The following ZNF385D variants were observed in gnomAD, a reference collection of about 807,000 sequenced individuals.
The protein encoded by ZNF385D is zinc finger protein 385D.
A neutral mutation model predicts 35.8 loss-of-function variants in ZNF385D; 15 were observed. The observed-to-expected ratio is 0.42, with a 90% CI of 0.28 to 0.64. ZNF385D has a LOEUF of 0.64. Ranked by LOEUF, ZNF385D falls within the 30% of genes least tolerant of loss-of-function variation. The probability of loss-of-function intolerance (pLI) is 0.23; values close to 1 mark genes in which losing one functional copy is unlikely to be tolerated. For missense variants in ZNF385D, 474 were observed against 494.6 expected, an observed-to-expected ratio of 0.96 and a Z score of 0.39; for synonymous variants, 212 against 186.8, an observed-to-expected ratio of 1.13 and a Z score of -1.10.
intron 3 of ZNF385D, among the ~76,000 whole-genome samples, chr3:22,117,433 A>T (rs1049818877): frequency 6.6e-6 from 1 of 152,060 alleles, no homozygotes; most frequent in Admixed American, 6.6e-5. Flanking sequence ...TATGATTTTG[A>T]AATTAAGAAC....
intron 2 of ZNF385D, among the ~76,000 whole-genome samples, chr3:21,640,059 C>G (rs1221113598): frequency 6.6e-6 from 1 of 151,940 alleles, no homozygotes; most frequent in Non-Finnish European, 1.5e-5. Flanking sequence ...ATTTTAAAAT[C>G]AGAATGCTTT....
intron 4 of ZNF385D, among the ~76,000 whole-genome samples, chr3:21,475,780 T>C (rs1406148329): frequency 6.6e-6 from 1 of 152,156 alleles, no homozygotes; most frequent in East Asian, 1.9e-4. Context: ...GCAGGGAAGA[T>C]TATATTTTAT....
At position 21,819,662 on chromosome 3, in the gene ZNF385D, TATTA is replaced by T. The variant is rs1179620040; in HGVS notation, c.326-154638_326-154635del. Among the ~76,000 whole-genome samples, 3 of 146,864 alleles carry T rather than the reference TATTA, an allele frequency of 2.0e-5. No individual in the cohort carries two copies. In the East Asian group the frequency reaches 5.9e-4, roughly 29 times the overall value. The stretch of plus-strand genomic sequence containing the variant: ...ATATTCTATATTATATATTTATGTG[TATTA>T]ATTATATATAATTATCTATGTGTAC... On this transcript the variant is annotated intron_variant, in intron 3 of 5. Coordinates refer to the ZNF385D transcript ENST00000494108.
intron 3 of ZNF385D, among the ~76,000 whole-genome samples, chr3:22,030,663 G>A (rs983418946): frequency 6.6e-6 from 1 of 152,064 alleles, no homozygotes; most frequent in Admixed American, 6.6e-5. Flanking sequence ...ATGAGATTCA[G>A]GTGGTGACAC....
intron 2 of ZNF385D, among the ~76,000 whole-genome samples, chr3:22,339,649 C>T (rs942111028): frequency 6.6e-6 from 1 of 152,210 alleles, no homozygotes; most frequent in African/African-American, 2.4e-5. Flanking sequence ...ATTATCCTTG[C>T]TACTGTTCTA....
chr3:21,498,739 C>T (rs776499306), intron 4 of ZNF385D, among the ~76,000 whole-genome samples: 28 of 151,832 alleles, frequency 1.8e-4, no homozygotes, highest in Non-Finnish European at 3.8e-4. Context: ...GTCAAGAGAT[C>T]GAGACCATCC....
chr3:21,893,639 T>G (rs747140789), intron 3 of ZNF385D, among the ~76,000 whole-genome samples: 7 of 152,194 alleles, frequency 4.6e-5, no homozygotes, highest in Non-Finnish European at 7.3e-5. Flanking sequence ...CATTTGAAAT[T>G]CTAGCCATGC....
At chr3:21,841,669 CTTAAG>C (rs529460641) in intron 3 of ZNF385D, among the ~76,000 whole-genome samples, 25 of 151,996 alleles carry the variant, frequency 1.6e-4, no homozygotes, top group Non-Finnish European at 3.1e-4. Context: ...CTTTGGAATA[CTTAAG>C]TTATTAAACA....
chr3:21,543,421 C>T (rs1255768768), intron 3 of ZNF385D, among the ~76,000 whole-genome samples: 2 of 152,144 alleles, frequency 1.3e-5, no homozygotes. Flanking sequence ...GGCCTTTTCA[C>T]GGTCTTTTCC....
intron 2 of ZNF385D, among the ~76,000 whole-genome samples, chr3:22,230,376 A>C (rs1014773644): frequency 6.6e-6 from 1 of 152,138 alleles, no homozygotes; most frequent in African/African-American, 2.4e-5. Flanking sequence ...AGGCACCAGA[A>C]AGTCATGCCT....
At chr3:21,879,738 T>G (rs1023109262) in intron 3 of ZNF385D, among the ~76,000 whole-genome samples, 2 of 151,910 alleles carry the variant, frequency 1.3e-5, no homozygotes, top group African/African-American at 2.4e-5. Flanking sequence ...CACCAGAGAG[T>G]CCTCATTTGG....
intron 4 of ZNF385D, among the ~76,000 whole-genome samples, chr3:21,507,148 AG>A (rs1307350348): frequency 6.6e-6 from 1 of 152,164 alleles, no homozygotes; most frequent in East Asian, 1.9e-4. Context: ...TCAGTCAACT[AG>A]GTTTACAATG....
intron 3 of ZNF385D, among the ~76,000 whole-genome samples, chr3:21,810,263 G>A (rs1384353982): frequency 6.6e-6 from 1 of 150,974 alleles, no homozygotes; most frequent in African/African-American, 2.4e-5. Context: ...TCTAAAGACA[G>A]AAACTACATG....
At chr3:21,485,097 T>G (rs1258889467) in intron 4 of ZNF385D, among the ~76,000 whole-genome samples, 1 of 152,136 alleles carries the variant, frequency 6.6e-6, no homozygotes, top group Non-Finnish European at 1.5e-5. Flanking sequence ...GCAGGAGAAA[T>G]AAGGTGAAAT....
chr3:21,824,341 C>T (rs1161876554), intron 3 of ZNF385D, among the ~76,000 whole-genome samples: 1 of 152,164 alleles, frequency 6.6e-6, no homozygotes, highest in Non-Finnish European at 1.5e-5. Flanking sequence ...TGTTGAGACA[C>T]ATTTGTCCAT....
chr3:21,562,975 T>C (rs1316425090), intron 3 of ZNF385D, among the ~76,000 whole-genome samples: 1 of 152,188 alleles, frequency 6.6e-6, no homozygotes, highest in African/African-American at 2.4e-5. Flanking sequence ...TAAAATATTA[T>C]ATGTTTGGTA....
At chr3:21,694,042 C>CTTGTTTTTTTTTTTTTTTTTT (rs2067380041) in intron 1 of ZNF385D, among the ~76,000 whole-genome samples, 1 of 22,178 alleles carries the variant, frequency 4.5e-5, no homozygotes, top group Non-Finnish European at 8.5e-5. Flanking sequence ...CTACGCCTGG[C>CTTGTTTTTTTTTTTTTTTTTT]TTTTTTTTTT....
At position 21,959,358 on chromosome 3, in the gene ZNF385D, A is replaced by AT. The variant is rs113650588; in HGVS notation, c.325+209458dup. ...GGAAATGCAATTGCTCCTTCAGGAT[A>AT]TTTTTTTTTCATTTGTCCAGCCAAA... On this transcript the variant is annotated intron_variant, in intron 3 of 5. Transcript: ENST00000494108. 1.7e-3 allele frequency among the ~76,000 whole-genome samples: 262 copies of AT among 151,776 alleles called. 2 individuals are homozygous for AT. The highest frequency in any genetic ancestry group is 6.8e-3 in the Middle Eastern group (2 of 294).
At chr3:21,430,561 T>C (rs1264195373) in intron 5 of ZNF385D, among the ~76,000 whole-genome samples, 1 of 152,080 alleles carries the variant, frequency 6.6e-6, no homozygotes, top group Non-Finnish European at 1.5e-5. Context: ...ATGTGAGAAC[T>C]AATATAGCAG....
Sources: allele counts gnomAD v4.1 joint callset (sites outside exome capture counted in the v4.1 genomes callset), GRCh38; gene constraint gnomAD v4.1.1; transcripts MANE v1.5; gene names NCBI Gene and HGNC (gene_info 2026-07-23, HGNC 2026-07-21).